The following PLCH1 variants were observed in gnomAD, a reference collection of about 807,000 sequenced individuals.
PLCH1 encodes 1-phosphatidylinositol 4,5-bisphosphate phosphodiesterase eta-1.
A neutral mutation model predicts 126.7 loss-of-function variants in PLCH1; 60 were observed. That is an observed-to-expected ratio of 0.47 (90% CI 0.38 to 0.59). The LOEUF (loss-of-function observed/expected upper bound fraction) is 0.59, where lower values mean the gene tolerates loss of function less well. PLCH1 is among the 20% of genes least tolerant of loss of function. The pLI is 0.00. For missense variants in PLCH1, 1,723 were observed against 2,040.0 expected (o/e 0.84, Z 2.99); for synonymous variants, 719 against 734.9 (o/e 0.98, Z 0.35).
intron 8 of PLCH1, among the ~76,000 whole-genome samples, chr3:155,557,436 A>C (rs780919945): frequency 1.5e-4 from 23 of 152,210 alleles, no homozygotes; most frequent in Non-Finnish European, 3.2e-4. Context: ...TACACGAGTC[A>C]TGAAAGAAGG....
intron 10 of PLCH1, among the ~76,000 whole-genome samples, chr3:155,546,718 C>T (rs1725337048): frequency 6.7e-6 from 1 of 149,314 alleles, no homozygotes; most frequent in Admixed American, 6.7e-5. Flanking sequence ...AGAACAGAGC[C>T]CTCAGAAATA....
At chr3:155,699,569 A>G (rs1746106966) in intron 2 of PLCH1, among the ~76,000 whole-genome samples, 1 of 152,218 alleles carries the variant, frequency 6.6e-6, no homozygotes, top group African/African-American at 2.4e-5. Context: ...AACCTAAAGC[A>G]GGCAGGCTGC....
intron 2 of PLCH1, among the ~76,000 whole-genome samples, chr3:155,653,582 T>C (rs905777862): frequency 1.3e-5 from 2 of 152,172 alleles, no homozygotes; most frequent in Non-Finnish European, 2.9e-5. Flanking sequence ...TTTAAATATA[T>C]ACCCTCACTT....
chr3:155,490,032 T>C (rs988577062), intron 19 of PLCH1, among the ~76,000 whole-genome samples: 26 of 152,234 alleles, frequency 1.7e-4, no homozygotes, highest in African/African-American at 6.0e-4. Context: ...GGTTTCTTTC[T>C]GTGTACATGT....
chr3:155,645,390 A>G (rs2108872335), intron 2 of PLCH1, among the ~76,000 whole-genome samples: 1 of 152,188 alleles, frequency 6.6e-6, no homozygotes, highest in Non-Finnish European at 1.5e-5. Context: ...TCACCTTTTT[A>G]TAGGTACCTG....
intron 2 of PLCH1, chr3:155,658,544 T>C (rs1741712842): frequency 1.3e-5 from 2 of 152,178 alleles, no homozygotes; most frequent in Non-Finnish European, 2.9e-5. Flanking sequence ...CACATTTTAC[T>C]AAAATAATCA....
chr3:155,634,179 A>C (rs1024600432), intron 2 of PLCH1, among the ~76,000 whole-genome samples: 6 of 152,174 alleles, frequency 3.9e-5, no homozygotes, highest in Non-Finnish European at 7.3e-5. Flanking sequence ...AATTTCTTCA[A>C]GTCAAAACAA....
chr3:155,710,612 C>G (rs896012696), intron 1 of PLCH1, among the ~76,000 whole-genome samples: 2 of 152,052 alleles, frequency 1.3e-5, no homozygotes, highest in Non-Finnish European at 2.9e-5. Flanking sequence ...GTGGGCAGAT[C>G]ACTTGAGGTC....
intron 6 of PLCH1, among the ~76,000 whole-genome samples, chr3:155,572,070 A>G (rs907073543): frequency 1.3e-5 from 2 of 152,192 alleles, no homozygotes; most frequent in Non-Finnish European, 2.9e-5. Context: ...CTCAAGTTCC[A>G]CATAATCAAA....
At chr3:155,606,898 G>C (rs1273545379) in intron 2 of PLCH1, among the ~76,000 whole-genome samples, 1 of 152,132 alleles carries the variant, frequency 6.6e-6, no homozygotes, top group Non-Finnish European at 1.5e-5. Flanking sequence ...CCTTCCAGTT[G>C]TGCCTGCTTA....
At chr3:155,581,984 G>A (rs1422778946) in intron 6 of PLCH1, among the ~76,000 whole-genome samples, 1 of 151,022 alleles carries the variant, frequency 6.6e-6, no homozygotes, top group African/African-American at 2.4e-5. Context: ...CCGACCACAG[G>A]TGATCTGCCC....
chr3:155,561,416 G>A (rs1218715202), intron 8 of PLCH1, among the ~76,000 whole-genome samples: 1 of 151,672 alleles, frequency 6.6e-6, no homozygotes, highest in African/African-American at 2.4e-5. Context: ...AGTTTCCTGA[G>A]AATGATGATT....
At chr3:155,500,576 T>G (rs1417034665) in intron 14 of PLCH1, 127 bp downstream of exon 14, 1 of 645,024 alleles carries the variant, frequency 1.6e-6, no homozygotes, top group Non-Finnish European at 2.8e-6. Context: ...GTTCTTCACA[T>G]GTTCGACAGC....
Position 155,500,781 on chromosome 3 carries a change from G to T in PLCH1, c.1718C>A (p.Ser573Ter). 1 of 1,611,204 alleles carries T rather than the reference G, an allele frequency of 6.2e-7. No homozygotes were observed. Among genetic ancestry groups the T allele is most frequent in the South Asian group, 1.1e-5 (1 of 90,920 alleles). ...ATCAGTACTGTAAGATTTAGACCGT[G>T]ATTTTGTAGTTTTCTGCCAGAAAAA... ...NFGKHKKTTK[S>*]RSKSYSTDDE... Residue 573 changes from serine (S) to a stop codon, truncating the protein, a stop_gained, in exon 14 of 23, where the codon TCA (serine) becomes TAA (stop). Coordinates refer to ENST00000460012, the MANE Select transcript of PLCH1 (RefSeq NM_014996.4). LOFTEE classifies it high-confidence loss of function.
At chr3:155,580,358 C>A (rs1012546699) in intron 6 of PLCH1, among the ~76,000 whole-genome samples, 2 of 152,142 alleles carry the variant, frequency 1.3e-5, no homozygotes, top group African/African-American at 2.4e-5. Flanking sequence ...AGACTCTGAT[C>A]ACCAAATTAA....
chr3:155,549,762 T>A (rs1425482309), intron 10 of PLCH1, 25 bp downstream of exon 10: 6 of 1,564,780 alleles, frequency 3.8e-6, no homozygotes, highest in Non-Finnish European at 5.3e-6. Context: ...TGAATGTCTT[T>A]TATTGCATTA....
chr3:155,684,923 C>G (rs1342138706), intron 2 of PLCH1, among the ~76,000 whole-genome samples: 1 of 152,174 alleles, frequency 6.6e-6, no homozygotes, highest in African/African-American at 2.4e-5. Context: ...TTCCCCCTAA[C>G]AGTACTGATT....
intron 2 of PLCH1, among the ~76,000 whole-genome samples, chr3:155,640,237 C>T (rs1020564025): frequency 3.3e-5 from 5 of 152,172 alleles, no homozygotes; most frequent in African/African-American, 4.8e-5. Flanking sequence ...GGGAGAGCCA[C>T]GGAGGTCAGA....
At chr3:155,675,952 C>T (rs766735010) in intron 2 of PLCH1, 2 of 974,104 alleles carry the variant, frequency 2.1e-6, no homozygotes, top group Non-Finnish European at 3.1e-6. Flanking sequence ...CCATCTTTTA[C>T]TAGGACTATT....
Sources: allele counts gnomAD v4.1 joint callset (sites outside exome capture counted in the v4.1 genomes callset), GRCh38; gene constraint gnomAD v4.1.1; transcripts MANE v1.5; gene names NCBI Gene and HGNC (gene_info 2026-07-23, HGNC 2026-07-21).